Variants in ATP10A observed in about 807,000 individuals in gnomAD.
ATP10A encodes the protein phospholipid-transporting ATPase VA.
A neutral mutation model predicts 147.8 loss-of-function variants in ATP10A; 111 were observed. The ratio of observed to expected loss-of-function variants is 0.75; its 90% confidence interval spans 0.64 to 0.88. The LOEUF (loss-of-function observed/expected upper bound fraction) is 0.88. ATP10A is among the 40% of genes least tolerant of loss of function. The pLI, the probability that ATP10A is intolerant of heterozygous loss-of-function variation, is 0.00. For synonymous variants in ATP10A, 875 were observed against 841.6 expected (o/e 1.04, Z -0.69); for missense variants, 1,927 against 1,959.0 (o/e 0.98, Z 0.31).
intron 1 of ATP10A, among the ~76,000 whole-genome samples, chr15:25,860,867 G>C (rs1893728167): frequency 6.6e-6 from 1 of 152,214 alleles, no homozygotes; most frequent in African/African-American, 2.4e-5. Context: ...AAAATAAACT[G>C]TATTTCTCCT....
rs538874334 is a variant in ATP10A at position 25,755,077 on chromosome 15, G to A, written c.655-18936C>T. Among the ~76,000 whole-genome samples the A allele has an allele frequency of 7.9e-5, 12 of 152,284 alleles. No homozygotes were observed. In the South Asian group the frequency reaches 2.5e-3, roughly 32 times the overall value. ...ATATTCATAGGCTAACACTCTGTCTGAACTGCCTTTTTCCCTTGAAATAGC... is the reference window on the plus strand; with the variant it reads ...ATATTCATAGGCTAACACTCTGTCTAAACTGCCTTTTTCCCTTGAAATAGC... On this transcript the variant is annotated intron_variant, in intron 2 of 20. Transcript: ENST00000555815.
chr15:25,851,187 A>T lies in ATP10A; in HGVS notation c.449+11461T>A, dbSNP rs75302084. 4.3e-3 allele frequency among the ~76,000 whole-genome samples: 657 copies of T among 152,222 alleles called. 8 individuals are homozygous for T. Among genetic ancestry groups the T allele is most frequent in the East Asian group, 0.027 (137 of 5,148 alleles). ...CAACAGGCAGATCTGATGCTGAAAC[A>T]GAAATAAGGCAGGTCTCTGAGCGGA... On this transcript the variant is annotated intron_variant, in intron 1 of 20. Transcript: ENST00000555815.
At chr15:25,687,164 G>A (rs192668506) in intron 16 of ATP10A, among the ~76,000 whole-genome samples, 1 of 129,626 alleles carries the variant, frequency 7.7e-6, no homozygotes, top group Non-Finnish European at 1.5e-5. Flanking sequence ...ATGGGAATCA[G>A]AGTGAGGCTA....
intron 9 of ATP10A, 102 bp from the exon 10 acceptor site, chr15:25,714,343 G>A: frequency 9.3e-7 from 1 of 1,075,070 alleles, no homozygotes; most frequent in East Asian, 2.6e-5. Flanking sequence ...GAGGAACAAT[G>A]ACCTCGCTTC....
At chr15:25,843,054 C>G (rs992423799) in intron 1 of ATP10A, among the ~76,000 whole-genome samples, 1 of 152,164 alleles carries the variant, frequency 6.6e-6, no homozygotes, top group Admixed American at 6.5e-5. Flanking sequence ...TGATCACCCT[C>G]CATTATCCAG....
chr15:25,784,284 G>C (rs1267927323), intron 1 of ATP10A, among the ~76,000 whole-genome samples: 1 of 152,148 alleles, frequency 6.6e-6, no homozygotes, highest in Non-Finnish European at 1.5e-5. Context: ...GTCCCCAGGA[G>C]ACCGGGCAGT....
At chr15:25,675,235 A>C (rs1899113083), downstream of ATP10A, among the ~76,000 whole-genome samples, 1 of 152,178 alleles carries the variant, frequency 6.6e-6, no homozygotes, top group South Asian at 2.1e-4. Context: ...GAAGGCCTCC[A>C]GCTGTGGTTT....
rs184755875 is a variant in ATP10A, at chr15:25,827,542, T to C, written c.449+35106A>G. 9.7e-4 allele frequency among the ~76,000 whole-genome samples: 148 copies of C among 152,290 alleles called. 1 individual carries two copies. The highest frequency in any genetic ancestry group is 3.4e-3 in the African/African-American group (142 of 41,564). ...TGGTGGGGCTACATATGAACAAAGT[T>C]TTCATGGCACTGTAATTAAGGTGGT... On this transcript the variant is annotated intron_variant, in intron 1 of 20. Coordinates refer to ENST00000555815, the MANE Select transcript of ATP10A (RefSeq NM_024490.4).
upstream of ATP10A, among the ~76,000 whole-genome samples, chr15:25,863,437 C>T (rs1597017256): frequency 6.6e-6 from 1 of 152,170 alleles, no homozygotes; most frequent in East Asian, 1.9e-4. Context: ...GACTGGGCCA[C>T]GCCGGATAGC....
At chr15:25,700,631 G>A (rs182366510) in intron 13 of ATP10A, among the ~76,000 whole-genome samples, 1 of 152,296 alleles carries the variant, frequency 6.6e-6, no homozygotes, top group Admixed American at 6.5e-5. Flanking sequence ...AGACAAAACT[G>A]TAGTTCTGGA....
chr15:25,721,709 C>G lies in ATP10A; in HGVS notation c.1311G>C (p.Met437Ile). 6.2e-7 allele frequency: 1 copy of G among 1,614,126 alleles called. No homozygotes were observed. The highest frequency in any genetic ancestry group is 1.1e-5 in the South Asian group (1 of 91,070). ...DKTGTLTENKMVFRRCTVSGV... is the reference protein window; with the variant it reads ...DKTGTLTENKIVFRRCTVSGV... ...CAGACACAGTGCATCTTCGGAAAACCATCTTATTCTCTGTCAAAGTGCCAG... is the reference window on the plus strand; with the variant it reads ...CAGACACAGTGCATCTTCGGAAAACGATCTTATTCTCTGTCAAAGTGCCAG... Residue 437 changes from methionine (M) to isoleucine (I), a missense_variant, in exon 7 of 21, where the codon ATG (methionine) becomes ATC (isoleucine). By Grantham distance (10) the Met-to-Ile change is conservative (BLOSUM62 1). Transcript: ENST00000555815.
In ATP10A at chr15:25,683,465, A is replaced by C; in HGVS notation, c.3313T>G (p.Trp1105Gly). 1 of 1,613,850 alleles carries C rather than the reference A, an allele frequency of 6.2e-7. No individual in the cohort carries two copies. The highest frequency in any genetic ancestry group is 8.5e-7 in the Non-Finnish European group (1 of 1,179,842). The change falls in exon 17 of 21, where the codon TGG becomes GGG. Residue 1105 changes from tryptophan to glycine, a missense_variant. Transcript: ENST00000555815. ...GAGAAGCCACAGAAAAACTGGAACC[A>C]AAACAGGAGGCCCACGAACATCTGA... ...KNTMFVGLLF[W>G]FQFFCGFSAS...
At chr15:25,862,570 C>T in intron 1 of ATP10A, 78 bp downstream of exon 1, 2 of 1,396,762 alleles carry the variant, frequency 1.4e-6, no homozygotes, top group Non-Finnish European at 1.9e-6. Flanking sequence ...CCCTGCCAAT[C>T]ACTGTGCCCA....
Position 25,819,070 on chromosome 15 carries a change from A to T in ATP10A, c.450-37847T>A, listed in dbSNP as rs189941680. 2.5e-3 allele frequency among the ~76,000 whole-genome samples: 381 copies of T among 152,324 alleles called. 3 individuals are homozygous for T. Among genetic ancestry groups the T allele is most frequent in the African/African-American group, 8.6e-3 (356 of 41,582 alleles). On this transcript the variant is annotated intron_variant, in intron 1 of 20. Coordinates refer to ENST00000555815, the MANE Select transcript of ATP10A (RefSeq NM_024490.4). ...AAAAGCACAAGCAACGAAAACAAAAATAGAGAAATGGGACTTAAACTAAAA... is the reference window on the plus strand; with the variant it reads ...AAAAGCACAAGCAACGAAAACAAAATTAGAGAAATGGGACTTAAACTAAAA...
At chr15:25,770,948 G>A (rs752700285) in intron 2 of ATP10A, among the ~76,000 whole-genome samples, 12 of 152,206 alleles carry the variant, frequency 7.9e-5, no homozygotes, top group Non-Finnish European at 1.3e-4. Flanking sequence ...TCGCACAGGG[G>A]ATTGAGGCCC....
intron 1 of ATP10A, among the ~76,000 whole-genome samples, chr15:25,827,584 T>G (rs1023614622): frequency 6.6e-6 from 1 of 152,188 alleles, no homozygotes; most frequent in Non-Finnish European, 1.5e-5. Flanking sequence ...CTGACCTACA[T>G]TGCTGGAAAT....
intron 1 of ATP10A, among the ~76,000 whole-genome samples, chr15:25,792,683 G>A (rs1487025937): frequency 6.6e-6 from 1 of 152,000 alleles, no homozygotes; most frequent in Non-Finnish European, 1.5e-5. Flanking sequence ...CACGAAGCAC[G>A]CACTGCACCA....
upstream of ATP10A, among the ~76,000 whole-genome samples, chr15:25,864,153 G>A (rs1320436658): frequency 6.6e-6 from 1 of 152,120 alleles, no homozygotes; most frequent in East Asian, 1.9e-4. Flanking sequence ...TTGTGGGGAG[G>A]AGAGGGGAGC....
At chr15:25,861,467 T>TG (rs1893755618) in intron 1 of ATP10A, among the ~76,000 whole-genome samples, 1 of 152,144 alleles carries the variant, frequency 6.6e-6, no homozygotes, top group Non-Finnish European at 1.5e-5. Context: ...ACTGCAGTGT[T>TG]GCTGGGAGGG....
Sources: allele counts gnomAD v4.1 joint callset (sites outside exome capture counted in the v4.1 genomes callset), GRCh38; gene constraint gnomAD v4.1.1; transcripts MANE v1.5; gene names NCBI Gene and HGNC (gene_info 2026-07-23, HGNC 2026-07-21).